The following GLYATL3 variants were observed in gnomAD, a reference collection of about 807,000 sequenced individuals.
GLYATL3 encodes the protein glycine-N-acyltransferase like 3.
In GLYATL3, 31 loss-of-function variants were observed where a neutral mutation model predicts 28.5. The observed-to-expected ratio is 1.09, with a 90% CI of 0.82 to 1.47. The LOEUF is 1.47. GLYATL3 is among the 40% of genes most tolerant of loss of function. The pLI, the probability that GLYATL3 is intolerant of heterozygous loss-of-function variation, is 0.00. For missense variants in GLYATL3, 369 were observed against 351.5 expected (o/e 1.05, Z -0.40); for synonymous variants, 141 against 140.2 (o/e 1.01, Z -0.04).
chr6:49,524,191 G>GCCTGAAGCTTCTTTGCC (rs1330814389), intron 5 of GLYATL3, among the ~76,000 whole-genome samples: 1 of 2,874 alleles, frequency 3.5e-4, no homozygotes, highest in African/African-American at 4.3e-4. Flanking sequence ...TGATATTTCT[G>GCCTGAAGCTTCTTTGCC]CCTGCTTTAA....
intron 3 of GLYATL3, among the ~76,000 whole-genome samples, chr6:49,516,992 C>T (rs1396442289): frequency 6.6e-6 from 1 of 150,950 alleles, no homozygotes; most frequent in Non-Finnish European, 1.5e-5. Context: ...CCCATCTCTA[C>T]TAAAAATACA....
chr6:49,521,333 C>T (rs887759966), intron 4 of GLYATL3, among the ~76,000 whole-genome samples: 4 of 152,064 alleles, frequency 2.6e-5, no homozygotes, highest in East Asian at 3.9e-4. Context: ...AAGGTTAGTC[C>T]GAGAGTCCAA....
At chr6:49,513,173 A>G (rs942257096) in intron 2 of GLYATL3, among the ~76,000 whole-genome samples, 1 of 152,308 alleles carries the variant, frequency 6.6e-6, no homozygotes, top group African/African-American at 2.4e-5. Context: ...TATTAAAGAA[A>G]ATACAGTTTC....
chr6:49,501,524 A>G (rs1192484501), intron 1 of GLYATL3, among the ~76,000 whole-genome samples: 1 of 152,238 alleles, frequency 6.6e-6, no homozygotes, highest in African/African-American at 2.4e-5. Flanking sequence ...TAATTCTTTA[A>G]CATAATATCT....
chr6:49,508,479 G>A (rs1769056049), intron 1 of GLYATL3, among the ~76,000 whole-genome samples: 1 of 152,208 alleles, frequency 6.6e-6, no homozygotes, highest in African/African-American at 2.4e-5. Flanking sequence ...AAGGGAGTAT[G>A]CCTTAACCCT....
At chr6:49,503,452 T>TA (rs1214995852) in intron 1 of GLYATL3, among the ~76,000 whole-genome samples, 2 of 152,100 alleles carry the variant, frequency 1.3e-5, no homozygotes, top group Non-Finnish European at 2.9e-5. Flanking sequence ...CCTTTCCACT[T>TA]AAAAGGAAAA....
chr6:49,506,122 T>A (rs1043924275), intron 1 of GLYATL3, among the ~76,000 whole-genome samples: 5 of 152,234 alleles, frequency 3.3e-5, no homozygotes, highest in Admixed American at 2.0e-4. Flanking sequence ...GTTTAAATTG[T>A]CAGTACAAAG....
intron 4 of GLYATL3, among the ~76,000 whole-genome samples, chr6:49,520,597 C>T (rs890669658): frequency 6.6e-6 from 1 of 152,146 alleles, no homozygotes; most frequent in African/African-American, 2.4e-5. Context: ...AGCCATTAGT[C>T]ATGGGAAGAG....
Position 49,526,985 on chromosome 6 carries a change from G to C in GLYATL3, c.*71G>C. The C allele has an allele frequency of 8.5e-7, 1 of 1,174,354 alleles. No individual in the cohort carries two copies. Among genetic ancestry groups the C allele is most frequent in the Middle Eastern group, 2.1e-4 (1 of 4,848 alleles). 72.7% of individuals were successfully genotyped at this position (1,174,354 alleles called of 1,614,324 possible). ...ACACACTCTTGGCTGCCAACGAGGGGAGAGTTAAAATGGGAATCAGGGGAC... is the reference window on the plus strand; with the variant it reads ...ACACACTCTTGGCTGCCAACGAGGGCAGAGTTAAAATGGGAATCAGGGGAC... On this transcript the variant is annotated 3_prime_UTR_variant, in exon 6 of 6. Coordinates refer to ENST00000371197, the MANE Select transcript of GLYATL3 (RefSeq NM_001010904.2).
intron 5 of GLYATL3, among the ~76,000 whole-genome samples, chr6:49,525,899 A>G (rs900010360): frequency 6.6e-6 from 1 of 152,196 alleles, no homozygotes; most frequent in Non-Finnish European, 1.5e-5. Context: ...GGCCAAACTT[A>G]ATTTATTTAA....
At chr6:49,504,054 C>T (rs928503561) in intron 1 of GLYATL3, among the ~76,000 whole-genome samples, 1 of 151,944 alleles carries the variant, frequency 6.6e-6, no homozygotes, top group South Asian at 2.1e-4. Context: ...GGAATATAGG[C>T]CCAATATTCG....
At chr6:49,501,968 C>T (rs1561974722) in intron 1 of GLYATL3, among the ~76,000 whole-genome samples, 1 of 152,202 alleles carries the variant, frequency 6.6e-6, no homozygotes, top group Non-Finnish European at 1.5e-5. Context: ...CATTCATAGG[C>T]TGTCTGCAGG....
chr6:49,527,008 G>T lies in GLYATL3; in HGVS notation c.*94G>T. 1 of 941,508 alleles carries T rather than the reference G, an allele frequency of 1.1e-6. No homozygotes were observed. 58.3% of individuals were successfully genotyped at this position (941,508 alleles called of 1,614,324 possible). ...GGGAGAGTTAAAATGGGAATCAGGG[G>T]ACTCTTGAGTTGTTGGAAAGGGTCT... On this transcript the variant is annotated 3_prime_UTR_variant, in exon 6 of 6. Transcript: ENST00000371197.
At chr6:49,522,357 ATCTTTCAAAAC>A (rs1258824755) in intron 5 of GLYATL3, among the ~76,000 whole-genome samples, 5 of 116,124 alleles carry the variant, frequency 4.3e-5, no homozygotes, top group African/African-American at 1.7e-4. Context: ...TCCAGATGCA[ATCTTTCAAAAC>A]ACTCATTAGT....
chr6:49,518,626 A>G (rs1453594231), intron 4 of GLYATL3, among the ~76,000 whole-genome samples: 1 of 152,148 alleles, frequency 6.6e-6, no homozygotes, highest in African/African-American at 2.4e-5. Flanking sequence ...GTCATAACCC[A>G]AAGACTTCAG....
intron 1 of GLYATL3, among the ~76,000 whole-genome samples, chr6:49,505,229 G>A: frequency 6.6e-6 from 1 of 152,256 alleles, no homozygotes; most frequent in Middle Eastern, 3.4e-3. Context: ...ATGAAAAAAG[G>A]GTGGTTTCAG....
At chr6:49,525,020 T>C (rs1416156058) in intron 5 of GLYATL3, among the ~76,000 whole-genome samples, 1 of 148,428 alleles carries the variant, frequency 6.7e-6, no homozygotes, top group Non-Finnish European at 1.5e-5. Context: ...CATGCACATA[T>C]GCTTGGCATA....
intron 4 of GLYATL3, among the ~76,000 whole-genome samples, chr6:49,519,612 A>G (rs1769280038): frequency 6.6e-6 from 1 of 152,168 alleles, no homozygotes; most frequent in African/African-American, 2.4e-5. Flanking sequence ...CATGATCAAC[A>G]TTTGCCACAG....
At chr6:49,515,503 T>C (rs558318192) in intron 2 of GLYATL3, 150 bp from the exon 3 acceptor site, 2 of 490,158 alleles carry the variant, frequency 4.1e-6, no homozygotes, top group South Asian at 8.1e-5. Context: ...AATATACGTG[T>C]CTATTATGTG....
Sources: allele counts gnomAD v4.1 joint callset (sites outside exome capture counted in the v4.1 genomes callset), GRCh38; gene constraint gnomAD v4.1.1; transcripts MANE v1.5; gene names NCBI Gene and HGNC (gene_info 2026-07-23, HGNC 2026-07-21).